PITPNC1: variants seen among roughly 807,000 people sequenced by gnomAD.
PITPNC1 encodes cytoplasmic phosphatidylinositol transfer protein 1.
PITPNC1 carries 18 observed loss-of-function variants against 44.7 expected under a neutral mutation model. The observed-to-expected ratio is 0.40, with a 90% CI of 0.28 to 0.60. The LOEUF (loss-of-function observed/expected upper bound fraction) is 0.60. Among genes scored for constraint, PITPNC1 ranks in the 20% least tolerant of loss-of-function variants. The pLI is 0.39. For missense variants in PITPNC1, 290 were observed against 418.4 expected, an observed-to-expected ratio of 0.69 and a Z score of 2.68; for synonymous variants, 141 against 149.6, an observed-to-expected ratio of 0.94 and a Z score of 0.42.
chr17:67,486,988 G>A (rs2039787459), intron 1 of PITPNC1, among the ~76,000 whole-genome samples: 1 of 151,660 alleles, frequency 6.6e-6, no homozygotes, highest in Non-Finnish European at 1.5e-5. Flanking sequence ...AGCTGAGACT[G>A]CACCACCGCA....
chr17:67,468,079 C>A (rs1005770772), intron 1 of PITPNC1, among the ~76,000 whole-genome samples: 13 of 152,138 alleles, frequency 8.5e-5, no homozygotes, highest in Non-Finnish European at 1.5e-5. Flanking sequence ...TAATTAATTG[C>A]AGCTGAGATA....
intron 1 of PITPNC1, among the ~76,000 whole-genome samples, chr17:67,387,100 A>G (rs371233411): frequency 6.6e-6 from 1 of 152,250 alleles, no homozygotes; most frequent in Non-Finnish European, 1.5e-5. Flanking sequence ...CCTCTAATTT[A>G]CAAATAACAT....
At chr17:67,517,955 C>T (rs1326751555) in intron 1 of PITPNC1, among the ~76,000 whole-genome samples, 2 of 152,064 alleles carry the variant, frequency 1.3e-5, no homozygotes, top group Non-Finnish European at 2.9e-5. Flanking sequence ...TTACTTTTTC[C>T]AGCGTAGCTG....
chr17:67,539,815 G>A (rs1205661064), intron 2 of PITPNC1, among the ~76,000 whole-genome samples: 7 of 152,274 alleles, frequency 4.6e-5, no homozygotes, highest in African/African-American at 1.7e-4. Context: ...TCGAGCCTGG[G>A]TGACAGAACG....
chr17:67,381,052 G>T (rs1034263949), intron 1 of PITPNC1, among the ~76,000 whole-genome samples: 1 of 152,162 alleles, frequency 6.6e-6, no homozygotes, highest in South Asian at 2.1e-4. Flanking sequence ...GGATTGCCGG[G>T]TGCGGTGGCT....
intron 2 of PITPNC1, among the ~76,000 whole-genome samples, chr17:67,547,595 T>G (rs531219579): frequency 2.4e-4 from 37 of 152,278 alleles, no homozygotes; most frequent in African/African-American, 8.7e-4. Context: ...GAAATTAGAC[T>G]CTATTTAGAC....
chr17:67,432,720 C>T (rs2038875112), intron 1 of PITPNC1, among the ~76,000 whole-genome samples: 1 of 152,112 alleles, frequency 6.6e-6, no homozygotes, highest in Admixed American at 6.6e-5. Flanking sequence ...TAAAACAAAA[C>T]AAAACAGAAC....
intron 2 of PITPNC1, among the ~76,000 whole-genome samples, chr17:67,543,481 A>G (rs1009435923): frequency 1.3e-5 from 2 of 152,100 alleles, no homozygotes; most frequent in Non-Finnish European, 2.9e-5. Flanking sequence ...GACGCTTGCT[A>G]TTGTTGTCTT....
intron 1 of PITPNC1, among the ~76,000 whole-genome samples, chr17:67,429,698 A>C (rs1485900471): frequency 2.1e-5 from 1 of 47,366 alleles, no homozygotes; most frequent in Admixed American, 2.0e-4. Flanking sequence ...ACTCTGTTTC[A>C]AAAAAAAAAA....
intron 1 of PITPNC1, among the ~76,000 whole-genome samples, chr17:67,481,703 C>T (rs552771153): frequency 7.9e-4 from 119 of 151,024 alleles, no homozygotes; most frequent in African/African-American, 2.6e-3. Context: ...AGTTTTGATT[C>T]GATGTCTTCA....
At chr17:67,451,057 G>A (rs1247320128) in intron 1 of PITPNC1, among the ~76,000 whole-genome samples, 1 of 152,042 alleles carries the variant, frequency 6.6e-6, no homozygotes. Context: ...TTGAGACAGA[G>A]TTTCACTCTT....
chr17:67,533,746 C>T (rs1029646586), intron 2 of PITPNC1, among the ~76,000 whole-genome samples: 2 of 152,162 alleles, frequency 1.3e-5, no homozygotes, highest in Admixed American at 6.5e-5. Context: ...TCAAGTGGAC[C>T]CATCCTTCCC....
intron 5 of PITPNC1, among the ~76,000 whole-genome samples, chr17:67,583,344 T>C (rs528814632): frequency 2.0e-4 from 30 of 152,104 alleles, no homozygotes; most frequent in African/African-American, 7.0e-4. Context: ...TCCCAGCACT[T>C]TGGGAGGCCG....
chr17:67,647,480 T>TTTTTG (rs1567757615), intron 6 of PITPNC1, among the ~76,000 whole-genome samples: 2 of 138,710 alleles, frequency 1.4e-5, no homozygotes, highest in African/African-American at 2.7e-5. Flanking sequence ...TTTTTTTTTT[T>TTTTTG]TTTTTTTTTT....
At chr17:67,507,211 G>A (rs751472604) in intron 1 of PITPNC1, among the ~76,000 whole-genome samples, 1 of 152,132 alleles carries the variant, frequency 6.6e-6, no homozygotes, top group Non-Finnish European at 1.5e-5. Context: ...GAGAAGCCAC[G>A]CTGAGAATGT....
chr17:67,651,370 G>A (rs945487802), intron 6 of PITPNC1, among the ~76,000 whole-genome samples: 2 of 152,022 alleles, frequency 1.3e-5, no homozygotes, highest in African/African-American at 2.4e-5. Flanking sequence ...AAAATCAGCC[G>A]GGTGTGCTGG....
chr17:67,575,126 T>C (rs1202782180), intron 4 of PITPNC1, among the ~76,000 whole-genome samples: 1 of 151,814 alleles, frequency 6.6e-6, no homozygotes, highest in East Asian at 1.9e-4. Context: ...TCCACAACTC[T>C]GTACTCTCCC....
At chr17:67,559,003 G>A (rs1318459371) in intron 4 of PITPNC1, among the ~76,000 whole-genome samples, 2 of 152,172 alleles carry the variant, frequency 1.3e-5, no homozygotes, top group Non-Finnish European at 2.9e-5. Context: ...GCCATGGGGA[G>A]AATGAGGTAT....
At chr17:67,638,952 A>AAAAAAT (rs1335734260) in intron 6 of PITPNC1, 2 of 152,066 alleles carry the variant, frequency 1.3e-5, no homozygotes, top group Non-Finnish European at 2.9e-5. Flanking sequence ...TTCTACAAAA[A>AAAAAAT]AAAAATAAAA....
Sources: gnomAD v4.1 joint callset for allele counts (sites outside exome capture counted in the v4.1 genomes callset) on GRCh38, gnomAD v4.1.1 for gene constraint, MANE v1.5 for transcripts, NCBI Gene and HGNC (gene_info 2026-07-23, HGNC 2026-07-21) for gene names.